Variants in RCOR1 observed in about 807,000 individuals in gnomAD.
RCOR1 encodes the protein REST corepressor 1, also known as REST corepressor.
A neutral mutation model predicts 64.0 loss-of-function variants in RCOR1; 12 were observed. That is an observed-to-expected ratio of 0.19 (90% CI 0.12 to 0.30). The LOEUF (loss-of-function observed/expected upper bound fraction) is 0.30. RCOR1 is among the 10% of genes least tolerant of loss of function. The probability of loss-of-function intolerance (pLI) is 1.00; values close to 1 mark genes in which losing one functional copy is unlikely to be tolerated. For missense variants in RCOR1, 502 were observed against 621.2 expected, an observed-to-expected ratio of 0.81 and a Z score of 2.04; for synonymous variants, 279 against 227.2, an observed-to-expected ratio of 1.23 and a Z score of -2.05.
At chr14:102,600,057 C>G (rs1289209283) in intron 2 of RCOR1, among the ~76,000 whole-genome samples, 6 of 151,882 alleles carry the variant, frequency 4.0e-5, no homozygotes, top group Admixed American at 3.9e-4. Flanking sequence ...CCTGGCAATG[C>G]TTTGTGATTT....
chr14:102,674,662 G>A (rs139701588), intron 2 of RCOR1, among the ~76,000 whole-genome samples: 1,562 of 152,190 alleles, frequency 0.01, 15 homozygotes, highest in Admixed American at 0.015. Context: ...CCTACTAGCC[G>A]TGTGAATAAA....
intron 6 of RCOR1, 135 bp from the exon 7 acceptor site, chr14:102,710,800 C>A: frequency 3.0e-6 from 2 of 656,152 alleles, no homozygotes; most frequent in Non-Finnish European, 5.3e-6. Flanking sequence ...TGAAAACATA[C>A]TAATTTTATA....
chr14:102,652,394 T>C (rs1894611572), intron 2 of RCOR1, among the ~76,000 whole-genome samples: 1 of 152,246 alleles, frequency 6.6e-6, no homozygotes, highest in African/African-American at 2.4e-5. Flanking sequence ...GTTACGTGAA[T>C]GGAAGAAAGG....
Position 102,596,038 on chromosome 14 carries a change from C to T in RCOR1, c.361+2713C>T, listed in dbSNP as rs757622884. Among the ~76,000 whole-genome samples the T allele has an allele frequency of 2.0e-5, 3 of 151,618 alleles. No homozygotes were observed. The South Asian group carries it at 6.2e-4, about 32-fold the overall frequency. On this transcript the variant is annotated intron_variant, in intron 2 of 11. Transcript: ENST00000262241. ...TATTTCCTAGTGGTTTTTTATGTGTCTTTTCATTTAACTTAAAAGCTTAAG... is the reference window on the plus strand; with the variant it reads ...TATTTCCTAGTGGTTTTTTATGTGTTTTTTCATTTAACTTAAAAGCTTAAG...
At chr14:102,717,477 A>G (rs1013219954) in intron 8 of RCOR1, among the ~76,000 whole-genome samples, 1 of 152,180 alleles carries the variant, frequency 6.6e-6, no homozygotes, top group Non-Finnish European at 1.5e-5. Context: ...TAATCTTAGG[A>G]GAATCACTTA....
At chr14:102,672,461 CT>C (rs752186364) in intron 2 of RCOR1, among the ~76,000 whole-genome samples, 43 of 152,130 alleles carry the variant, frequency 2.8e-4, no homozygotes, top group Non-Finnish European at 5.4e-4. Flanking sequence ...ATCCGCCCGC[CT>C]CGGCTTCCCA....
intron 2 of RCOR1, among the ~76,000 whole-genome samples, chr14:102,661,552 A>C (rs924872138): frequency 1.3e-5 from 2 of 152,184 alleles, no homozygotes; most frequent in Non-Finnish European, 2.9e-5. Flanking sequence ...TTTAGTCAAC[A>C]GTATAATTAT....
intron 2 of RCOR1, among the ~76,000 whole-genome samples, chr14:102,634,618 ATG>A (rs562922082): frequency 2.7e-5 from 4 of 150,410 alleles, no homozygotes; most frequent in East Asian, 1.9e-4. Context: ...GTGTGTATGT[ATG>A]TGTGTGTGTA....
chr14:102,713,437 C>T (rs1470230570), intron 7 of RCOR1, among the ~76,000 whole-genome samples: 2 of 152,136 alleles, frequency 1.3e-5, no homozygotes, highest in African/African-American at 4.8e-5. Context: ...CGCCCGCCAC[C>T]GCACCTGGCT....
intron 3 of RCOR1, chr14:102,695,630 C>T (rs1289274122): frequency 6.6e-6 from 1 of 152,462 alleles, no homozygotes; most frequent in African/African-American, 2.4e-5. Flanking sequence ...ACTGCAACCT[C>T]TGCCTCCCTG....
chr14:102,624,626 T>C (rs1893944702), intron 2 of RCOR1, among the ~76,000 whole-genome samples: 3 of 151,916 alleles, frequency 2.0e-5, no homozygotes, highest in Non-Finnish European at 4.4e-5. Flanking sequence ...ATTAGCCAGG[T>C]GTGATGGTGC....
chr14:102,655,147 T>C (rs2139933944), intron 2 of RCOR1: 1 of 404,660 alleles, frequency 2.5e-6, no homozygotes, highest in African/African-American at 2.2e-5. Context: ...AGCTAAATTT[T>C]GTTGAATATT....
intron 2 of RCOR1, among the ~76,000 whole-genome samples, chr14:102,679,259 G>T (rs1312183244): frequency 6.6e-6 from 1 of 151,934 alleles, no homozygotes; most frequent in Non-Finnish European, 1.5e-5. Context: ...TTTACACTTA[G>T]TTCTGTCATC....
intron 2 of RCOR1, among the ~76,000 whole-genome samples, chr14:102,653,049 C>T (rs1894623683): frequency 6.6e-6 from 1 of 152,146 alleles, no homozygotes; most frequent in African/African-American, 2.4e-5. Context: ...TCTCCTGCCT[C>T]AGCCTCCCGA....
At chr14:102,635,235 G>A (rs1894211752) in intron 2 of RCOR1, among the ~76,000 whole-genome samples, 1 of 152,256 alleles carries the variant, frequency 6.6e-6, no homozygotes, top group South Asian at 2.1e-4. Flanking sequence ...TGCACACGGC[G>A]GCTCATGCCT....
intron 2 of RCOR1, among the ~76,000 whole-genome samples, chr14:102,624,483 G>A (rs1893941369): frequency 6.6e-6 from 1 of 152,082 alleles, no homozygotes. Flanking sequence ...TCCAGCCTGG[G>A]CATCAGTCTA....
At chr14:102,653,986 T>TG (rs1284155105) in intron 2 of RCOR1, among the ~76,000 whole-genome samples, 23 of 109,032 alleles carry the variant, frequency 2.1e-4, no homozygotes, top group African/African-American at 9.5e-4. Context: ...TTTCTTTCTT[T>TG]TTTTTTTTTT....
chr14:102,719,245 C>G (rs555247087), intron 8 of RCOR1, among the ~76,000 whole-genome samples: 1 of 152,248 alleles, frequency 6.6e-6, no homozygotes, highest in Admixed American at 6.5e-5. Context: ...ATTTCTTCTT[C>G]TTCTTCTTCT....
At chr14:102,630,091 C>G in intron 2 of RCOR1, 1 of 698,160 alleles carries the variant, frequency 1.4e-6, no homozygotes, top group Non-Finnish European at 1.8e-6. Context: ...AATTTGATCT[C>G]CAGTGTTGGA....
Sources: allele counts gnomAD v4.1 joint callset (sites outside exome capture counted in the v4.1 genomes callset), GRCh38; gene constraint gnomAD v4.1.1; transcripts MANE v1.5; gene names NCBI Gene and HGNC (gene_info 2026-07-23, HGNC 2026-07-21).